OLA1: variants seen among roughly 807,000 people sequenced by gnomAD.
OLA1 encodes Obg like ATPase 1.
In OLA1, 14 loss-of-function variants were observed where a neutral mutation model predicts 48.4. The ratio of observed to expected loss-of-function variants is 0.29; its 90% confidence interval spans 0.19 to 0.45. The LOEUF (loss-of-function observed/expected upper bound fraction) is 0.45, where lower values mean the gene tolerates loss of function less well. Among genes scored for constraint, OLA1 ranks in the 20% least tolerant of loss-of-function variants. The pLI is 1.00. For missense variants in OLA1, 325 were observed against 467.1 expected (o/e 0.70, Z 2.80); for synonymous variants, 127 against 150.4 (o/e 0.84, Z 1.14).
At chr2:174,233,530 C>T (rs930836143) in intron 2 of OLA1, among the ~76,000 whole-genome samples, 3 of 152,174 alleles carry the variant, frequency 2.0e-5, no homozygotes, top group East Asian at 1.9e-4. Context: ...CATGACACCA[C>T]GGCCAGCTAA....
At chr2:174,190,480 T>C (rs1687748836) in intron 4 of OLA1, among the ~76,000 whole-genome samples, 1 of 152,020 alleles carries the variant, frequency 6.6e-6, no homozygotes, top group African/African-American at 2.4e-5. Context: ...GGGACTAAAA[T>C]ACACAGACCT....
intron 7 of OLA1, among the ~76,000 whole-genome samples, chr2:174,122,401 C>T (rs1006717070): frequency 5.3e-5 from 8 of 152,082 alleles, no homozygotes; most frequent in African/African-American, 1.9e-4. Context: ...AAACCATGTG[C>T]ATCTAAGTAC....
chr2:174,113,410 G>T (rs1685702398), intron 7 of OLA1, among the ~76,000 whole-genome samples: 1 of 151,904 alleles, frequency 6.6e-6, no homozygotes, highest in African/African-American at 2.4e-5. Flanking sequence ...TTTAATTTCG[G>T]TTTCAATAAG....
At chr2:174,124,148 CTTT>C (rs1685986940) in intron 5 of OLA1, 1 of 152,178 alleles carries the variant, frequency 6.6e-6, no homozygotes, top group Non-Finnish European at 1.5e-5. Context: ...GACCAGATCC[CTTT>C]TTATTTTAGA....
chr2:174,212,561 T>C (rs1688267137), intron 4 of OLA1, among the ~76,000 whole-genome samples: 1 of 152,208 alleles, frequency 6.6e-6, no homozygotes, highest in Non-Finnish European at 1.5e-5. Context: ...ACTTTTTACT[T>C]TATAAACTTT....
At chr2:174,236,128 A>G (rs1018874079) in intron 2 of OLA1, among the ~76,000 whole-genome samples, 1 of 152,050 alleles carries the variant, frequency 6.6e-6, no homozygotes, top group Non-Finnish European at 1.5e-5. Flanking sequence ...CATAAAATCC[A>G]CAGTGTATAG....
chr2:174,142,864 T>C lies in OLA1; in HGVS notation c.374-864A>G, dbSNP rs143558199. Among the ~76,000 whole-genome samples, 878 of 152,310 alleles carry C rather than the reference T, an allele frequency of 5.8e-3. 10 individuals are homozygous for C. The highest frequency in any genetic ancestry group is 0.033 in the South Asian group (158 of 4,828). ...ATATTACAAACAGAAAGCAATGATA[T>C]ATCCACCAAACAATACACACATTTA... On this transcript the variant is annotated intron_variant, in intron 4 of 10. Coordinates refer to ENST00000284719, the MANE Select transcript of OLA1 (RefSeq NM_013341.5).
chr2:174,236,182 T>C (rs1688843990), intron 2 of OLA1, among the ~76,000 whole-genome samples: 1 of 151,876 alleles, frequency 6.6e-6, no homozygotes, highest in South Asian at 2.1e-4. Flanking sequence ...CAGAAATATA[T>C]ATACCAAAAT....
chr2:174,163,721 T>A (rs1187172789), intron 4 of OLA1, among the ~76,000 whole-genome samples: 1 of 6,884 alleles, frequency 1.5e-4, no homozygotes, highest in East Asian at 3.5e-3. Flanking sequence ...AATATATATA[T>A]ATATATATAT....
At chr2:174,099,160 A>ATT (rs753871074) in intron 7 of OLA1, among the ~76,000 whole-genome samples, 19 of 144,100 alleles carry the variant, frequency 1.3e-4, no homozygotes, top group African/African-American at 3.8e-4. Flanking sequence ...TATTTTATTT[A>ATT]TTTTTTTTTT....
At chr2:174,109,292 C>T (rs574464218) in intron 7 of OLA1, among the ~76,000 whole-genome samples, 2 of 152,102 alleles carry the variant, frequency 1.3e-5, no homozygotes, top group African/African-American at 4.8e-5. Context: ...CCCAGTCTAC[C>T]CCACTGGTCT....
intron 2 of OLA1, among the ~76,000 whole-genome samples, chr2:174,240,910 T>C (rs1359355651): frequency 6.6e-6 from 1 of 152,126 alleles, no homozygotes; most frequent in African/African-American, 2.4e-5. Flanking sequence ...TGGACTGCAG[T>C]GGATTGAAGA....
chr2:174,115,917 T>C (rs546036715), intron 7 of OLA1, among the ~76,000 whole-genome samples: 2 of 152,326 alleles, frequency 1.3e-5, no homozygotes, highest in Admixed American at 1.3e-4. Context: ...ACTGTAAGTC[T>C]TCCAGGAGAA....
At chr2:174,225,792 A>T (rs988572623) in intron 3 of OLA1, among the ~76,000 whole-genome samples, 1 of 152,216 alleles carries the variant, frequency 6.6e-6, no homozygotes, top group South Asian at 2.1e-4. Context: ...TGACATAACT[A>T]TAAGTGTGAC....
chr2:174,123,643 T>C lies in OLA1; in HGVS notation c.582A>G (p.Ile194Met). 2 of 1,597,228 alleles carry C rather than the reference T, an allele frequency of 1.3e-6. No homozygotes were observed. Among genetic ancestry groups the C allele is most frequent in the Admixed American group, 1.8e-5 (1 of 56,512 alleles). Reference protein sequence around the residue: ...DIMCKVKSWVIDQKKPVRFYH... With the variant: ...DIMCKVKSWVMDQKKPVRFYH... ...AGAAGCGAACAGGTTTCTTTTGATC[T>C]ATAACCCAGGATTTTACTTTGCACA... Residue 194 changes from isoleucine to methionine, a missense_variant, in exon 6 of 11, where the codon ATA becomes ATG. By Grantham distance (10) the Ile-to-Met change is conservative. Coordinates refer to ENST00000284719, the MANE Select transcript of OLA1 (RefSeq NM_013341.5).
At position 174,148,422 on chromosome 2, in the gene OLA1, A is replaced by G. The variant is rs186406644; in HGVS notation, c.374-6422T>C. Reference sequence around the variant, plus strand: ...CAAAACAAAACAAAAAACACAATAAACAAGTTTAATTTGCACAAGGAGAAA... The same window carrying G: ...CAAAACAAAACAAAAAACACAATAAGCAAGTTTAATTTGCACAAGGAGAAA... On this transcript the variant is annotated intron_variant, in intron 4 of 10. Transcript: ENST00000284719. 1.2e-4 allele frequency among the ~76,000 whole-genome samples: 18 copies of G among 152,226 alleles called. No individual in the cohort carries two copies. The East Asian group carries it at 3.3e-3, about 28-fold the overall frequency.
At chr2:174,077,220 G>A (rs1468439457) in intron 10 of OLA1, among the ~76,000 whole-genome samples, 4 of 152,136 alleles carry the variant, frequency 2.6e-5, no homozygotes, top group African/African-American at 9.7e-5. Context: ...TGCTAATAAT[G>A]TGATATCCCT....
In OLA1 at chr2:174,073,506, G is replaced by C. The variant is rs1684654409; in HGVS notation, c.*1920C>G. ...GAAATTTTGTATATGTACATACAAT[G>C]TTGTAGAACTTCTAACCAAATTAAA... On this transcript the variant is annotated 3_prime_UTR_variant, in exon 11 of 11. Transcript: ENST00000284719. 2 of 152,200 alleles carry C rather than the reference G, an allele frequency of 1.3e-5. No homozygotes were observed. Among genetic ancestry groups the C allele is most frequent in the South Asian group, 4.1e-4 (2 of 4,838 alleles). 9.4% of individuals were successfully genotyped at this position (152,200 alleles called of 1,614,324 possible). A position where few individuals can be genotyped will look rare whatever the true frequency, so the allele number is the denominator to read the frequency against.
At chr2:174,174,460 C>T (rs978169140) in intron 4 of OLA1, among the ~76,000 whole-genome samples, 3 of 151,848 alleles carry the variant, frequency 2.0e-5, no homozygotes, top group African/African-American at 7.2e-5. Context: ...ATTCATTTGA[C>T]AAAATTCAAC....
Sources: gnomAD v4.1 joint callset for allele counts (sites outside exome capture counted in the v4.1 genomes callset) on GRCh38, gnomAD v4.1.1 for gene constraint, MANE v1.5 for transcripts, NCBI Gene and HGNC (gene_info 2026-07-23, HGNC 2026-07-21) for gene names.